The following ILKAP variants were observed in gnomAD, a reference collection of about 807,000 sequenced individuals.
ILKAP encodes integrin-linked kinase-associated serine/threonine phosphatase 2C.
ILKAP carries 11 observed loss-of-function variants against 49.1 expected under a neutral mutation model. That is an observed-to-expected ratio of 0.22 (90% CI 0.14 to 0.37). The LOEUF (loss-of-function observed/expected upper bound fraction) is 0.37, where lower values mean the gene tolerates loss of function less well. Among genes scored for constraint, ILKAP ranks in the 10% least tolerant of loss-of-function variants. ILKAP has a pLI of 1.00. For missense variants in ILKAP, 363 were observed against 510.8 expected (o/e 0.71, Z 2.79); for synonymous variants, 186 against 192.8 (o/e 0.96, Z 0.29).
chr2:238,184,881 A>G (rs1559294127), intron 6 of ILKAP, among the ~76,000 whole-genome samples: 1 of 152,140 alleles, frequency 6.6e-6, no homozygotes, highest in African/African-American at 2.4e-5. Flanking sequence ...TTCCTCACAT[A>G]TAACACAGTG....
At chr2:238,187,248 G>A (rs1316417975) in intron 5 of ILKAP, among the ~76,000 whole-genome samples, 1 of 152,190 alleles carries the variant, frequency 6.6e-6, no homozygotes, top group Non-Finnish European at 1.5e-5. Flanking sequence ...GCAAGACCCT[G>A]TCTCAATGGG....
chr2:238,203,168 C>T (rs893367843), intron 1 of ILKAP, among the ~76,000 whole-genome samples: 1 of 151,056 alleles, frequency 6.6e-6, no homozygotes, highest in African/African-American at 2.4e-5. Context: ...TGCCGCCGGG[C>T]GTTCAGAGCC....
At chr2:238,171,571 G>A (rs192372986) in intron 10 of ILKAP, among the ~76,000 whole-genome samples, 86 of 152,216 alleles carry the variant, frequency 5.6e-4, no homozygotes, top group African/African-American at 1.9e-3. Context: ...CCTTCTCTTC[G>A]CCAATTAACA....
chr2:238,190,508 T>C (rs1267913036), intron 3 of ILKAP, among the ~76,000 whole-genome samples: 1 of 152,080 alleles, frequency 6.6e-6, no homozygotes. Context: ...GAATCTGCAG[T>C]GTATGTGTTT....
chr2:238,197,023 C>T (rs1027234197), intron 1 of ILKAP, among the ~76,000 whole-genome samples: 1 of 152,122 alleles, frequency 6.6e-6, no homozygotes, highest in African/African-American at 2.4e-5. Context: ...ATGGTGAAAC[C>T]CTGTCTCTCC....
At chr2:238,177,678 A>G (rs1225981063) in intron 9 of ILKAP, among the ~76,000 whole-genome samples, 1 of 152,200 alleles carries the variant, frequency 6.6e-6, no homozygotes, top group Admixed American at 6.5e-5. Flanking sequence ...GTTAAATAAT[A>G]TTCTGTTATA....
chr2:238,183,825 T>C (rs1693792504), intron 7 of ILKAP, 85 bp from the exon 8 acceptor site: 1 of 1,088,536 alleles, frequency 9.2e-7, no homozygotes, highest in African/African-American at 1.6e-5. Flanking sequence ...GGGAAGTATC[T>C]TATATTTCAA....
At chr2:238,185,574 CAGGCG>C in intron 5 of ILKAP, 3 of 273,542 alleles carry the variant, frequency 1.1e-5, no homozygotes, top group South Asian at 8.3e-5. Context: ...GAGGCCGAGG[CAGGCG>C]GATCACGAGA....
At chr2:238,184,355 A>C (rs1030016055) in intron 6 of ILKAP, among the ~76,000 whole-genome samples, 1 of 151,958 alleles carries the variant, frequency 6.6e-6, no homozygotes, top group South Asian at 2.1e-4. Flanking sequence ...ATGCCAGGCT[A>C]ATTTTTGTGT....
intron 6 of ILKAP, 50 bp downstream of exon 6, chr2:238,185,131 A>G: frequency 1.7e-6 from 2 of 1,191,648 alleles, no homozygotes; most frequent in East Asian, 4.7e-5. Flanking sequence ...ACAGCCAACC[A>G]AACAGCAATA....
chr2:238,185,415 CCAGT>C, intron 5 of ILKAP, 128 bp from the exon 6 acceptor site: 1 of 604,612 alleles, frequency 1.7e-6, no homozygotes, highest in Admixed American at 3.0e-5. Flanking sequence ...GGTTAAGACA[CCAGT>C]CACACTGTTA....
rs1027057332 is a variant in ILKAP at position 238,203,653 on chromosome 2, C to A, written c.-100G>T. On this transcript the variant is annotated 5_prime_UTR_variant, in exon 1 of 12. Coordinates refer to ENST00000254654, the MANE Select transcript of ILKAP (RefSeq NM_030768.3). ...GCGGGCGGCAGCAGCGGGCGGGCGA[C>A]GGGCAGGGGCGGCCGGCGCCGTCAG... The A allele has an allele frequency of 1.6e-6, 1 of 620,204 alleles. No homozygotes were observed. Among genetic ancestry groups the A allele is most frequent in the Non-Finnish European group, 2.2e-6 (1 of 464,018 alleles). 38.4% of individuals were successfully genotyped at this position (620,204 alleles called of 1,614,324 possible). A position where few individuals can be genotyped will look rare whatever the true frequency, so the allele number is the denominator to read the frequency against.
chr2:238,186,406 G>A (rs1229779270), intron 5 of ILKAP: 1 of 152,282 alleles, frequency 6.6e-6, no homozygotes, highest in Non-Finnish European at 1.5e-5. Flanking sequence ...GCCAAGGCAG[G>A]AGGATCACTT....
At chr2:238,198,776 C>T (rs1327444452) in intron 1 of ILKAP, among the ~76,000 whole-genome samples, 1 of 151,972 alleles carries the variant, frequency 6.6e-6, no homozygotes, top group Non-Finnish European at 1.5e-5. Flanking sequence ...AAGTTATATA[C>T]TATGCTGAGA....
chr2:238,178,035 A>G (rs1693539191), intron 9 of ILKAP, among the ~76,000 whole-genome samples: 1 of 152,228 alleles, frequency 6.6e-6, no homozygotes, highest in South Asian at 2.1e-4. Context: ...AATAAAAATA[A>G]ATGGAAAACT....
intron 3 of ILKAP, among the ~76,000 whole-genome samples, chr2:238,193,947 C>A (rs551722056): frequency 6.6e-6 from 1 of 152,322 alleles, no homozygotes; most frequent in South Asian, 2.1e-4. Flanking sequence ...TTGAGTCAAG[C>A]ACTCTGTTTA....
At chr2:238,172,075 G>A (rs12623319) in intron 10 of ILKAP, among the ~76,000 whole-genome samples, 9,103 of 151,848 alleles carry the variant, frequency 0.06, 602 homozygotes, top group East Asian at 0.17. Flanking sequence ...TTGTTGAGGC[G>A]GACTTTCCCT....
rs1403294679 is a variant in ILKAP, at chr2:238,203,594, AG to A, written c.-42del. Reference sequence around the variant, plus strand: ...GAGGCGGCAGCAGCGACAGACACTCAGCCCGCGAGCAGCGGCCGGGCTCCAC... The same window carrying A: ...GAGGCGGCAGCAGCGACAGACACTCACCCGCGAGCAGCGGCCGGGCTCCAC... On this transcript the variant is annotated 5_prime_UTR_variant, in exon 1 of 12. Transcript: ENST00000254654. The A allele has an allele frequency of 1.8e-6, 2 of 1,116,600 alleles. No homozygotes were observed. Among genetic ancestry groups the A allele is most frequent in the Non-Finnish European group, 2.2e-6 (2 of 908,264 alleles). The allele number at this position is 1,116,600 out of a possible 1,614,324, so 69.2% of individuals were successfully genotyped here.
chr2:238,193,192 A>C (rs144757194), intron 3 of ILKAP, among the ~76,000 whole-genome samples: 146 of 152,284 alleles, frequency 9.6e-4, no homozygotes, highest in African/African-American at 3.4e-3. Flanking sequence ...TCTTCTATTA[A>C]ATCCCTTAAC....
Sources: gnomAD v4.1 joint callset for allele counts (sites outside exome capture counted in the v4.1 genomes callset) on GRCh38, gnomAD v4.1.1 for gene constraint, MANE v1.5 for transcripts, NCBI Gene and HGNC (gene_info 2026-07-23, HGNC 2026-07-21) for gene names.